CFAP43: variants seen among roughly 807,000 people sequenced by gnomAD.
CFAP43 encodes the protein cilia and flagella associated protein 43.
Under a neutral mutation model 218.9 loss-of-function variants are expected in CFAP43, and 155 were observed. The observed-to-expected ratio is 0.71, with a 90% confidence interval of 0.62 to 0.81. The LOEUF (loss-of-function observed/expected upper bound fraction) is 0.81, where lower values mean the gene tolerates loss of function less well. Among genes scored for constraint, CFAP43 ranks in the 30% least tolerant of loss-of-function variants. The pLI is 0.00. For missense variants in CFAP43, 1,778 were observed against 1,954.3 expected (o/e 0.91, Z 1.70); for synonymous variants, 645 against 681.3 (o/e 0.95, Z 0.83).
chr10:104,207,480 G>A (rs545678737), intron 6 of CFAP43, among the ~76,000 whole-genome samples, 185 bp downstream of exon 6: 1 of 152,186 alleles, frequency 6.6e-6, no homozygotes, highest in East Asian at 1.9e-4. Context: ...TCCTCATAAT[G>A]TTGTTCTGAG....
Position 104,196,916 on chromosome 10 carries a change from C to T in CFAP43, c.1230G>A (p.Gly410=), listed in dbSNP as rs2090397282. 6.2e-7 allele frequency: 1 copy of T among 1,612,776 alleles called. No individual in the cohort carries two copies. The highest frequency in any genetic ancestry group is 8.5e-7 in the Non-Finnish European group (1 of 1,179,460). Reference sequence around the variant, plus strand: ...CCTCCAGCCACCAAACACAAATTTCCCCTGAATATGTAAGTGTCTGTAAAA... The same window carrying T: ...CCTCCAGCCACCAAACACAAATTTCTCCTGAATATGTAAGTGTCTGTAAAA... ...TQYFMTLTYS[G]EICVWWLEDC... The change falls in exon 10 of 38, where the codon GGG becomes GGA. Residue 410 remains glycine (G), a synonymous_variant. Transcript: ENST00000357060.
rs760708421 is a variant in CFAP43, at chr10:104,145,564, C to T, written c.3856G>A (p.Val1286Ile). 6.3e-7 allele frequency: 1 copy of T among 1,592,384 alleles called. No homozygotes were observed. The highest frequency in any genetic ancestry group is 8.6e-7 in the Non-Finnish European group (1 of 1,164,114). The stretch of plus-strand genomic sequence containing the variant: ...TCCTTTTTAAAGCTGCGATCCATAA[C>T]CTAAGGACAAACATGACATTTGAGG... Reference protein sequence around the residue: ...HYDNLLAEDKVMDRSFKKEFS... With the variant: ...HYDNLLAEDKIMDRSFKKEFS... The change falls in exon 31 of 38, where the codon GTT (valine) becomes ATT (isoleucine). Residue 1286 changes from valine to isoleucine, a missense_variant and splice_region_variant. Val to Ile is a conservative substitution (Grantham distance 29). Coordinates refer to ENST00000357060, the MANE Select transcript of CFAP43 (RefSeq NM_025145.7).
chr10:104,143,717 A>C, intron 31 of CFAP43, 78 bp from the exon 32 acceptor site: 1 of 1,340,046 alleles, frequency 7.5e-7, no homozygotes, highest in Non-Finnish European at 1.0e-6. Flanking sequence ...GGCCCTTAGC[A>C]CAGGCATAAC....
chr10:104,166,044 T>C (rs2089134886), intron 23 of CFAP43, among the ~76,000 whole-genome samples: 1 of 152,160 alleles, frequency 6.6e-6, no homozygotes, highest in African/African-American at 2.4e-5. Context: ...ACAGTATCTG[T>C]ATATTCCTCT....
chr10:104,161,223 A>G, intron 26 of CFAP43, 61 bp from the exon 27 acceptor site: 2 of 1,540,234 alleles, frequency 1.3e-6, no homozygotes, highest in Non-Finnish European at 1.7e-6. Context: ...AGTACAGTAA[A>G]AGCTCAGAGT....
At chr10:104,143,680 C>T in intron 31 of CFAP43, 41 bp from the exon 32 acceptor site, 4 of 1,585,936 alleles carry the variant, frequency 2.5e-6, no homozygotes, top group South Asian at 2.2e-5. Flanking sequence ...TTCACATTCT[C>T]ATAAAAACAT....
At chr10:104,205,146 G>A (rs775323002) in intron 7 of CFAP43, among the ~76,000 whole-genome samples, 1 of 144,868 alleles carries the variant, frequency 6.9e-6, no homozygotes, top group Admixed American at 7.1e-5. Flanking sequence ...CCAGGAGTTG[G>A]AGCTTGCAGT....
At chr10:104,228,179 T>C (rs1466971203) in intron 2 of CFAP43, among the ~76,000 whole-genome samples, 2 of 152,216 alleles carry the variant, frequency 1.3e-5, no homozygotes, top group Non-Finnish European at 2.9e-5. Context: ...TTGTTATTTA[T>C]ATTTAATGCT....
Position 104,166,568 on chromosome 10 carries a change from C to A in CFAP43, c.2959G>T (p.Gly987Trp), listed in dbSNP as rs1450079681. 3 of 1,613,990 alleles carry A rather than the reference C, an allele frequency of 1.9e-6. No homozygotes were observed. Among genetic ancestry groups the A allele is most frequent in the African/African-American group, 2.7e-5 (2 of 74,920 alleles). The change falls in exon 23 of 38, where the codon GGG (glycine) becomes TGG (tryptophan). Residue 987 changes from glycine to tryptophan, a missense_variant. Transcript: ENST00000357060. ...YLLGSLSTDF[G>W]VDTSLLSSQL... ...CTTGACAATAAAGAGGTATCTACCC[C>A]AAAATCAGTACTCAGACTACCAAGC...
intron 6 of CFAP43, among the ~76,000 whole-genome samples, 154 bp downstream of exon 6, chr10:104,207,511 T>C (rs1248835684): frequency 5.9e-5 from 9 of 151,988 alleles, no homozygotes; most frequent in Non-Finnish European, 1.2e-4. Context: ...AATATGCATA[T>C]AAAGTGATGG....
chr10:104,189,767 C>T (rs1214609910), intron 12 of CFAP43, among the ~76,000 whole-genome samples: 1 of 152,082 alleles, frequency 6.6e-6, no homozygotes, highest in Non-Finnish European at 1.5e-5. Context: ...CTTTGGGAGG[C>T]TGAGGTGGGA....
chr10:104,173,049 TA>T (rs1167296173), intron 19 of CFAP43, among the ~76,000 whole-genome samples: 2 of 152,014 alleles, frequency 1.3e-5, no homozygotes, highest in African/African-American at 4.8e-5. Context: ...GTTCATAACT[TA>T]AAAAAATTCA....
chr10:104,198,891 T>TC (rs1288418217), intron 8 of CFAP43, among the ~76,000 whole-genome samples: 1 of 151,794 alleles, frequency 6.6e-6, no homozygotes, highest in Non-Finnish European at 1.5e-5. Flanking sequence ...CCTCAAGTAA[T>TC]CCCCCCTCCT....
chr10:104,167,811 A>T (rs1423072119), intron 21 of CFAP43, 74 bp from the exon 22 acceptor site: 1 of 1,083,514 alleles, frequency 9.2e-7, no homozygotes, highest in East Asian at 2.5e-5. Flanking sequence ...TGAGTAGGGG[A>T]TGTTTTCTGT....
At chr10:104,145,349 T>A in intron 31 of CFAP43, 127 bp downstream of exon 31, 1 of 554,360 alleles carries the variant, frequency 1.8e-6, no homozygotes, top group Non-Finnish European at 3.2e-6. Flanking sequence ...CCCTTAAACA[T>A]CTCCACCTAA....
At chr10:104,177,780 T>C (rs1171970982) in intron 19 of CFAP43, among the ~76,000 whole-genome samples, 2 of 152,144 alleles carry the variant, frequency 1.3e-5, no homozygotes, top group Admixed American at 1.3e-4. Flanking sequence ...CTACAAAGAA[T>C]TGGGAGTCAG....
chr10:104,217,330 CT>C (rs2091040987), intron 3 of CFAP43, among the ~76,000 whole-genome samples: 1 of 151,634 alleles, frequency 6.6e-6, no homozygotes. Context: ...CTTTCTTTTT[CT>C]TTTCTTTTCT....
chr10:104,189,826 G>C (rs1470133028), intron 12 of CFAP43, among the ~76,000 whole-genome samples: 1 of 152,012 alleles, frequency 6.6e-6, no homozygotes. Flanking sequence ...AACATAGAGA[G>C]ACATTTTCTC....
At chr10:104,200,352 C>T (rs1319549050) in intron 8 of CFAP43, among the ~76,000 whole-genome samples, 1 of 152,114 alleles carries the variant, frequency 6.6e-6, no homozygotes, top group Non-Finnish European at 1.5e-5. Context: ...AACAGCCCAA[C>T]CCTCAGTTCG....
Sources: gnomAD v4.1 joint callset for allele counts (sites outside exome capture counted in the v4.1 genomes callset) on GRCh38, gnomAD v4.1.1 for gene constraint, MANE v1.5 for transcripts, NCBI Gene and HGNC (gene_info 2026-07-23, HGNC 2026-07-21) for gene names.